Variants in CEPT1 observed in about 807,000 individuals in gnomAD.
The protein encoded by CEPT1 is choline/ethanolaminephosphotransferase 1.
A neutral mutation model predicts 42.6 loss-of-function variants in CEPT1; 7 were observed. The ratio of observed to expected loss-of-function variants is 0.16; its 90% CI spans 0.09 to 0.31. The LOEUF is 0.31. Among genes scored for constraint, CEPT1 ranks in the 10% least tolerant of loss-of-function variants. The pLI, the probability that CEPT1 is intolerant of heterozygous loss-of-function variation, is 1.00. For synonymous variants in CEPT1, 171 were observed against 171.9 expected, an observed-to-expected ratio of 0.99 and a Z score of 0.04; for missense variants, 306 against 502.1, an observed-to-expected ratio of 0.61 and a Z score of 3.73.
At chr1:111,160,977 T>G in intron 3 of CEPT1, 178 bp from the exon 4 acceptor site, 2 of 629,940 alleles carry the variant, frequency 3.2e-6, no homozygotes, top group South Asian at 2.1e-5. Flanking sequence ...AAAAGAGAGA[T>G]TGAAATTATG....
chr1:111,178,474 T>TC (rs71096397), intron 5 of CEPT1: 3 of 151,774 alleles, frequency 2.0e-5, no homozygotes, highest in African/African-American at 4.8e-5. Context: ...TTTTTTTTTT[T>TC]CCAAAGGAAA....
At chr1:111,180,455 C>T (rs1019590790) in intron 5 of CEPT1, 1 of 152,136 alleles carries the variant, frequency 6.6e-6, no homozygotes, top group African/African-American at 2.4e-5. Context: ...TGATTTTCTC[C>T]TTTCTTGAAA....
At chr1:111,141,799 A>G (rs1043891133) in intron 1 of CEPT1, among the ~76,000 whole-genome samples, 3 of 152,000 alleles carry the variant, frequency 2.0e-5, no homozygotes, top group Non-Finnish European at 4.4e-5. Context: ...CTGTGATCCT[A>G]TTAGTTTTCT....
intron 2 of CEPT1, among the ~76,000 whole-genome samples, chr1:111,149,552 G>T (rs114684933): frequency 4.6e-5 from 7 of 152,220 alleles, no homozygotes; most frequent in Admixed American, 2.6e-4. Flanking sequence ...GAGCAACTGC[G>T]CCCAGCTCCC....
intron 5 of CEPT1, chr1:111,180,688 A>C (rs1448464992): frequency 6.6e-6 from 1 of 152,186 alleles, no homozygotes; most frequent in Non-Finnish European, 1.5e-5. Context: ...GAGGTAACAG[A>C]GTTATCTCAA....
intron 4 of CEPT1, among the ~76,000 whole-genome samples, chr1:111,171,233 ATAGT>A (rs1173699089): frequency 6.6e-6 from 1 of 152,196 alleles, no homozygotes; most frequent in Non-Finnish European, 1.5e-5. Context: ...AATTTTTCTC[ATAGT>A]TAGCTAACTT....
At chr1:111,146,532 T>C (rs569155149) in intron 1 of CEPT1, among the ~76,000 whole-genome samples, 2 of 152,316 alleles carry the variant, frequency 1.3e-5, no homozygotes, top group South Asian at 2.1e-4. Context: ...AAATTACTTA[T>C]AGATTTGACT....
intron 1 of CEPT1, among the ~76,000 whole-genome samples, chr1:111,143,757 A>G (rs1251511749): frequency 1.3e-5 from 2 of 151,776 alleles, no homozygotes; most frequent in Non-Finnish European, 2.9e-5. Context: ...TTCCTTTTTG[A>G]GACATGGTTT....
intron 5 of CEPT1, among the ~76,000 whole-genome samples, chr1:111,175,280 CTCTT>C (rs1408856309): frequency 6.6e-6 from 1 of 152,116 alleles, no homozygotes; most frequent in Non-Finnish European, 1.5e-5. Context: ...ACCTTTTATT[CTCTT>C]TCTTAACTAC....
rs1656300203 is a variant in CEPT1, at chr1:111,169,260, C to T, written c.630-5619C>T. Among the ~76,000 whole-genome samples, 3 of 152,148 alleles carry T rather than the reference C, an allele frequency of 2.0e-5. No homozygotes were observed. In the South Asian group the frequency reaches 6.2e-4, roughly 32 times the overall value. The stretch of plus-strand genomic sequence containing the variant: ...CTTACACTGTCTTCTGGTACTTTCT[C>T]CAAAGACCTGTAGCTTTATGCTCAT... On this transcript the variant is annotated intron_variant, in intron 4 of 8. Transcript: ENST00000357172.
intron 8 of CEPT1, 102 bp from the exon 9 acceptor site, chr1:111,184,089 T>G (rs1571162874): frequency 8.7e-7 from 1 of 1,151,656 alleles, no homozygotes; most frequent in East Asian, 2.5e-5. Flanking sequence ...TTTTATGGAA[T>G]GGAAGGTGAA....
chr1:111,183,126 C>T (rs1316704076), intron 7 of CEPT1, among the ~76,000 whole-genome samples, 169 bp downstream of exon 7: 2 of 152,180 alleles, frequency 1.3e-5, no homozygotes, highest in East Asian at 1.9e-4. Context: ...TGTGAAGCTA[C>T]AATTTGAAGT....
chr1:111,176,927 C>A (rs1013042154), intron 5 of CEPT1, among the ~76,000 whole-genome samples: 2 of 152,048 alleles, frequency 1.3e-5, no homozygotes, highest in Non-Finnish European at 1.5e-5. Flanking sequence ...CTTATTTACA[C>A]GTAGATATAT....
chr1:111,182,026 A>G (rs759556250), intron 5 of CEPT1, 161 bp from the exon 6 acceptor site: 3 of 475,248 alleles, frequency 6.3e-6, no homozygotes, highest in Admixed American at 4.1e-5. Context: ...GAGACTTGCT[A>G]TATTGCTTAT....
intron 5 of CEPT1, 63 bp downstream of exon 5, chr1:111,175,026 T>C: frequency 1.0e-6 from 1 of 989,798 alleles, no homozygotes; most frequent in Non-Finnish European, 1.6e-6. Flanking sequence ...TGTTTTCTAA[T>C]ATGGGATAAT....
At chr1:111,146,106 C>G (rs1654949058) in intron 1 of CEPT1, among the ~76,000 whole-genome samples, 1 of 144,444 alleles carries the variant, frequency 6.9e-6, no homozygotes, top group Non-Finnish European at 1.5e-5. Context: ...TAAATGGTCT[C>G]TGTTCCTCCT....
chr1:111,170,345 C>G (rs1303158934), intron 4 of CEPT1, among the ~76,000 whole-genome samples: 6 of 152,040 alleles, frequency 3.9e-5, no homozygotes, highest in Non-Finnish European at 8.8e-5. Context: ...TTAGTCTTCT[C>G]AGAAAGTCTG....
chr1:111,146,157 A>T (rs1654951914), intron 1 of CEPT1, among the ~76,000 whole-genome samples: 1 of 135,870 alleles, frequency 7.4e-6, no homozygotes, highest in South Asian at 2.3e-4. Context: ...TTCTTTATTC[A>T]TTTTTTTCTT....
intron 5 of CEPT1, chr1:111,180,007 A>G (rs980492470): frequency 6.6e-6 from 1 of 152,214 alleles, no homozygotes; most frequent in African/African-American, 2.4e-5. Context: ...GGTCCAAGCC[A>G]TGTACTAATT....
Sources: gnomAD v4.1 joint callset for allele counts (sites outside exome capture counted in the v4.1 genomes callset) on GRCh38, gnomAD v4.1.1 for gene constraint, MANE v1.5 for transcripts, NCBI Gene and HGNC (gene_info 2026-07-23, HGNC 2026-07-21) for gene names.